The following BANP variants were observed in gnomAD, a reference collection of about 807,000 sequenced individuals.
The protein encoded by BANP is BTG3 associated nuclear protein.
Under a neutral mutation model 68.1 loss-of-function variants are expected in BANP, and 11 were observed. That is an observed-to-expected ratio of 0.16 (90% CI 0.10 to 0.27). The LOEUF (loss-of-function observed/expected upper bound fraction) is 0.27, where lower values mean the gene tolerates loss of function less well. BANP is among the 10% of genes least tolerant of loss of function. BANP has a pLI of 1.00. For synonymous variants in BANP, 329 were observed against 303.2 expected, an observed-to-expected ratio of 1.09 and a Z score of -0.88; for missense variants, 504 against 722.7, an observed-to-expected ratio of 0.70 and a Z score of 3.47.
intron 5 of BANP, among the ~76,000 whole-genome samples, chr16:88,005,409 C>T (rs1052539112): frequency 4.6e-5 from 7 of 152,202 alleles, no homozygotes; most frequent in Non-Finnish European, 1.0e-4. Context: ...CTTTCTCCTG[C>T]TGGTGCGTAG....
intron 12 of BANP, among the ~76,000 whole-genome samples, chr16:88,069,476 C>G (rs570035226): frequency 7.5e-4 from 115 of 152,348 alleles, no homozygotes; most frequent in Non-Finnish European, 4.4e-5. Flanking sequence ...TGCTCCCTCT[C>G]GAAGAACCCA....
At chr16:88,061,167 A>C (rs912315168) in intron 11 of BANP, among the ~76,000 whole-genome samples, 2 of 152,304 alleles carry the variant, frequency 1.3e-5, no homozygotes, top group Admixed American at 1.3e-4. Context: ...CCAGCCGCAG[A>C]GCACTGTGGA....
Position 88,076,777 on chromosome 16 carries a change from G to GGCCTTCAGACGCAC in BANP, c.*116_*117insGCCTTCAGACGCAC. 1.2e-6 allele frequency: 1 copy of GGCCTTCAGACGCAC among 830,676 alleles called. No homozygotes were observed. The highest frequency in any genetic ancestry group is 1.8e-6 in the Non-Finnish European group (1 of 549,196). The allele number at this position is 830,676 out of a possible 1,614,324, so 51.5% of individuals were successfully genotyped here. A position where few individuals can be genotyped will look rare whatever the true frequency, so the allele number is the denominator to read the frequency against. On this transcript the variant is annotated 3_prime_UTR_variant, in exon 14 of 14. Transcript: ENST00000682872. ...GGCTGCACGTGTTCTGCTGAAGTGC[G>GGCCTTCAGACGCAC]TCTGAAGGCCGCTGCCTCCGCGGGG...
At chr16:87,963,603 T>A (rs1306735657) in intron 1 of BANP, 3 of 152,264 alleles carry the variant, frequency 2.0e-5, no homozygotes, top group African/African-American at 7.2e-5. Context: ...AGGACTTTTC[T>A]TAAGGGTTGA....
At chr16:87,953,737 A>G (rs1444308297) in intron 1 of BANP, among the ~76,000 whole-genome samples, 1 of 152,108 alleles carries the variant, frequency 6.6e-6, no homozygotes, top group Admixed American at 6.5e-5. Flanking sequence ...ACATTGTTTT[A>G]AATTCTCAAG....
intron 1 of BANP, among the ~76,000 whole-genome samples, chr16:87,974,696 G>A (rs537489025): frequency 7.9e-5 from 12 of 152,224 alleles, no homozygotes; most frequent in East Asian, 5.8e-4. Context: ...GCGACAGAGC[G>A]TTTGCTGTAG....
chr16:87,973,898 C>G (rs1175293691), intron 1 of BANP, among the ~76,000 whole-genome samples: 1 of 152,108 alleles, frequency 6.6e-6, no homozygotes, highest in Non-Finnish European at 1.5e-5. Flanking sequence ...TATGTAATTT[C>G]ATTCCTGTTG....
At chr16:88,021,160 G>A (rs71392329) in intron 7 of BANP, among the ~76,000 whole-genome samples, 10 of 152,204 alleles carry the variant, frequency 6.6e-5, no homozygotes, top group Admixed American at 3.9e-4. Context: ...CGCTGGCTTC[G>A]GGGCCATCCT....
chr16:87,967,746 C>T (rs893813378), intron 1 of BANP, among the ~76,000 whole-genome samples: 7 of 152,046 alleles, frequency 4.6e-5, no homozygotes, highest in South Asian at 2.1e-4. Context: ...CTCAGCCTCC[C>T]GAGTAGCTGG....
At chr16:87,970,413 T>A (rs965169617) in intron 1 of BANP, among the ~76,000 whole-genome samples, 3 of 152,218 alleles carry the variant, frequency 2.0e-5, no homozygotes, top group African/African-American at 7.2e-5. Context: ...GTTACCTAGA[T>A]TCTTAATTCA....
intron 1 of BANP, among the ~76,000 whole-genome samples, chr16:87,967,622 A>ATTTT (rs375783410): frequency 0.34 from 41,049 of 120,312 alleles, 8,675 homozygotes; most frequent in Non-Finnish European, 0.46. Flanking sequence ...CACCCAGTTA[A>ATTTT]TTTTTTTTTT....
chr16:88,054,346 A>G (rs1371779470), intron 11 of BANP, among the ~76,000 whole-genome samples: 3 of 139,784 alleles, frequency 2.1e-5, no homozygotes, highest in African/African-American at 7.7e-5. Flanking sequence ...CATCACCACC[A>G]ACACAGCCAC....
intron 4 of BANP, among the ~76,000 whole-genome samples, chr16:87,989,269 G>T (rs1480276693): frequency 6.6e-6 from 1 of 152,262 alleles, no homozygotes; most frequent in East Asian, 1.9e-4. Flanking sequence ...CTTCCTGCAG[G>T]TGCGCCATCA....
At chr16:87,983,428 C>T (rs1387803674) in intron 3 of BANP, among the ~76,000 whole-genome samples, 2 of 152,204 alleles carry the variant, frequency 1.3e-5, no homozygotes, top group Non-Finnish European at 2.9e-5. Flanking sequence ...GTGTGTTTCT[C>T]TGTTTCTTGG....
At chr16:87,952,519 A>G (rs973865527) in intron 1 of BANP, 3 of 152,240 alleles carry the variant, frequency 2.0e-5, no homozygotes, top group African/African-American at 7.2e-5. Flanking sequence ...AAGAGGAGGC[A>G]GTTGTAGGGT....
intron 1 of BANP, among the ~76,000 whole-genome samples, chr16:87,967,035 G>A (rs1163692929): frequency 4.6e-5 from 7 of 152,336 alleles, no homozygotes; most frequent in Non-Finnish European, 2.9e-5. Flanking sequence ...CAAGGCCAGA[G>A]GCCAGGGCCC....
chr16:88,000,252 A>G, intron 4 of BANP, among the ~76,000 whole-genome samples: 1 of 26,558 alleles, frequency 3.8e-5, no homozygotes, highest in East Asian at 1.2e-3. Flanking sequence ...GGCTGTACTC[A>G]CCTGTCCTTC....
rs563112692 is a variant in BANP at position 87,991,041 on chromosome 16, C to T, written c.362+6782C>T. ...CCTCCCAAAGTATTGGGATTACAGG[C>T]GTGCACCACTGCGCCCAGCCAGCTG... On this transcript the variant is annotated intron_variant, in intron 4 of 13. Transcript: ENST00000682872. Among the ~76,000 whole-genome samples, 13 of 152,322 alleles carry T rather than the reference C, an allele frequency of 8.5e-5. No homozygotes were observed. In the East Asian group the frequency reaches 1.9e-3, roughly 23 times the overall value.
At chr16:88,053,710 A>G (rs2084025880) in intron 11 of BANP, among the ~76,000 whole-genome samples, 1 of 150,114 alleles carries the variant, frequency 6.7e-6, no homozygotes, top group African/African-American at 2.5e-5. Context: ...CATCATCATC[A>G]TCACCAACAC....
Sources: gnomAD v4.1 joint callset for allele counts (sites outside exome capture counted in the v4.1 genomes callset) on GRCh38, gnomAD v4.1.1 for gene constraint, MANE v1.5 for transcripts, NCBI Gene and HGNC (gene_info 2026-07-23, HGNC 2026-07-21) for gene names.